The following PRKCE variants were observed in gnomAD, a reference collection of about 807,000 sequenced individuals.
PRKCE encodes protein kinase C epsilon type.
Under a neutral mutation model 85.4 loss-of-function variants are expected in PRKCE, and 16 were observed. The observed-to-expected ratio is 0.19, with a 90% confidence interval of 0.13 to 0.28. The LOEUF (loss-of-function observed/expected upper bound fraction) is 0.28, where lower values mean the gene tolerates loss of function less well. PRKCE is among the 10% of genes least tolerant of loss of function. The pLI is 1.00. For missense variants in PRKCE, 573 were observed against 975.2 expected, an observed-to-expected ratio of 0.59 and a Z score of 5.49; for synonymous variants, 388 against 371.5, an observed-to-expected ratio of 1.04 and a Z score of -0.51.
At chr2:45,954,962 G>A (rs1700870923) in intron 2 of PRKCE, among the ~76,000 whole-genome samples, 1 of 152,140 alleles carries the variant, frequency 6.6e-6, no homozygotes, top group African/African-American at 2.4e-5. Flanking sequence ...ATTAGAACTA[G>A]GCAATGGGGG....
intron 2 of PRKCE, among the ~76,000 whole-genome samples, chr2:45,847,592 T>C (rs556654626): frequency 6.6e-6 from 1 of 152,162 alleles, no homozygotes; most frequent in Admixed American, 6.5e-5. Context: ...ATGGTGAAAT[T>C]GAGAGGTCAG....
chr2:45,955,284 G>A (rs1450499153), intron 2 of PRKCE, among the ~76,000 whole-genome samples: 1 of 152,160 alleles, frequency 6.6e-6, no homozygotes, highest in African/African-American at 2.4e-5. Flanking sequence ...GTCCTGGGAA[G>A]GAGAACTGGT....
chr2:45,810,828 T>C (rs762097742), intron 1 of PRKCE, among the ~76,000 whole-genome samples: 20 of 152,220 alleles, frequency 1.3e-4, no homozygotes, highest in Non-Finnish European at 2.8e-4. Flanking sequence ...CACATTCGTA[T>C]TATTAACAGT....
chr2:46,119,080 T>C (rs192962768), intron 11 of PRKCE, among the ~76,000 whole-genome samples: 17 of 152,238 alleles, frequency 1.1e-4, no homozygotes, highest in African/African-American at 3.9e-4. Context: ...GTCAACACGA[T>C]AAAATTAGCA....
chr2:45,785,095 A>G (rs189600302), intron 1 of PRKCE, among the ~76,000 whole-genome samples: 1 of 152,354 alleles, frequency 6.6e-6, no homozygotes, highest in East Asian at 1.9e-4. Flanking sequence ...GGGCCTTAGC[A>G]TGATATTATT....
At position 46,001,769 on chromosome 2, in the gene PRKCE, G is replaced by A. The variant is rs1382413257; in HGVS notation, c.966+223G>A. 1.3e-5 allele frequency among the ~76,000 whole-genome samples: 2 copies of A among 152,132 alleles called. No homozygotes were observed. Among genetic ancestry groups the A allele is most frequent in the African/African-American group, 4.8e-5 (2 of 41,422 alleles). On this transcript the variant is annotated intron_variant, in intron 7 of 14. Coordinates refer to ENST00000306156, the MANE Select transcript of PRKCE (RefSeq NM_005400.3). The surrounding 1 kb of genome is among the most constrained non-coding windows in gnomAD (Gnocchi z 4.4). ...GACTGAAAACACAGCAAGCCTCAAG[G>A]GTTACGTTTGCCAAAGAAACATAAA...
chr2:45,701,678 A>C (rs148051784), intron 1 of PRKCE, among the ~76,000 whole-genome samples: 338 of 152,110 alleles, frequency 2.2e-3, no homozygotes, highest in African/African-American at 7.5e-3. Flanking sequence ...TGTTTTGCCC[A>C]CCTCCTAGGT....
chr2:46,084,452 G>T (rs11125049), intron 10 of PRKCE, among the ~76,000 whole-genome samples: 1 of 151,912 alleles, frequency 6.6e-6, no homozygotes, highest in South Asian at 2.1e-4. Flanking sequence ...AGCCGGGCAC[G>T]GTGGCTCATG....
intron 1 of PRKCE, among the ~76,000 whole-genome samples, chr2:45,810,632 G>A (rs558580237): frequency 1.6e-4 from 25 of 152,128 alleles, no homozygotes; most frequent in Non-Finnish European, 3.4e-4. Context: ...TGCCCAGGCT[G>A]GAGTACAGTG....
intron 10 of PRKCE, among the ~76,000 whole-genome samples, chr2:46,034,664 G>A (rs1484372362): frequency 3.3e-5 from 5 of 152,202 alleles, no homozygotes; most frequent in African/African-American, 9.6e-5. Context: ...CTTAGGAGAG[G>A]CAACCTAGCA....
chr2:46,072,800 A>G (rs1325826154), intron 10 of PRKCE, among the ~76,000 whole-genome samples: 3 of 152,196 alleles, frequency 2.0e-5, no homozygotes, highest in African/African-American at 7.2e-5. Context: ...CACTTTGTCC[A>G]TCAGTGTGCT....
At position 45,918,991 on chromosome 2, in the gene PRKCE, A is replaced by T. The variant is rs190148074; in HGVS notation, c.413-57438A>T. Among the ~76,000 whole-genome samples the T allele has an allele frequency of 2.5e-3, 385 of 152,318 alleles. 4 individuals are homozygous for T. Among genetic ancestry groups the T allele is most frequent in the African/African-American group, 9.1e-3 (379 of 41,580 alleles). ...GGCATGATATGGCAGTGGCCAGGGT[A>T]TGCCAGCTGGGATGGACAGCCACCT... On this transcript the variant is annotated intron_variant, in intron 2 of 14. Transcript: ENST00000306156.
intron 8 of PRKCE, among the ~76,000 whole-genome samples, chr2:46,006,927 C>T (rs947928219): frequency 6.6e-6 from 1 of 152,142 alleles, no homozygotes. Context: ...AGAAGAAACC[C>T]GGCAACAAGG....
At chr2:45,917,810 C>G (rs1050444527) in intron 2 of PRKCE, among the ~76,000 whole-genome samples, 2 of 152,226 alleles carry the variant, frequency 1.3e-5, no homozygotes, top group Admixed American at 6.5e-5. Context: ...GTCCCGAGCC[C>G]TGCCCCGCGG....
At chr2:45,782,387 G>C (rs925900571) in intron 1 of PRKCE, among the ~76,000 whole-genome samples, 1 of 152,120 alleles carries the variant, frequency 6.6e-6, no homozygotes. Flanking sequence ...TAGCGAGGTG[G>C]TGTTGGGTTA....
intron 14 of PRKCE, among the ~76,000 whole-genome samples, chr2:46,173,178 G>A (rs926296554): frequency 3.9e-5 from 6 of 152,256 alleles, no homozygotes; most frequent in Non-Finnish European, 8.8e-5. Context: ...AATGGTTGAA[G>A]AATACTATTT....
intron 14 of PRKCE, among the ~76,000 whole-genome samples, chr2:46,183,354 A>G (rs1411957626): frequency 6.6e-6 from 1 of 152,164 alleles, no homozygotes; most frequent in African/African-American, 2.4e-5. Context: ...CTACTTATTA[A>G]CTTCTTTAGG....
At chr2:45,864,654 G>T (rs1693438401) in intron 2 of PRKCE, among the ~76,000 whole-genome samples, 1 of 152,176 alleles carries the variant, frequency 6.6e-6, no homozygotes, top group Non-Finnish European at 1.5e-5. Context: ...CATACCAAGG[G>T]ATCCCAGGTT....
chr2:45,877,405 C>T (rs1004112354), intron 2 of PRKCE, among the ~76,000 whole-genome samples: 2 of 152,014 alleles, frequency 1.3e-5, no homozygotes, highest in African/African-American at 4.8e-5. Context: ...TAAATATACT[C>T]CATCCTCTTA....
Sources: allele counts gnomAD v4.1 joint callset (sites outside exome capture counted in the v4.1 genomes callset), GRCh38; gene constraint gnomAD v4.1.1; non-coding constraint Gnocchi (gnomAD v3.1); transcripts MANE v1.5; gene names NCBI Gene and HGNC (gene_info 2026-07-23, HGNC 2026-07-21).